RPS29: variants seen among roughly 807,000 people sequenced by gnomAD.
The protein encoded by RPS29 is small ribosomal subunit protein uS14.
For missense variants in RPS29, 60 were observed against 75.7 expected (o/e 0.79, Z 0.77); for synonymous variants, 37 against 26.9 (o/e 1.37, Z -1.16).
At chr14:49,581,965 T>C, downstream of RPS29, among the ~76,000 whole-genome samples, 1 of 136,812 alleles carries the variant, frequency 7.3e-6, no homozygotes, top group Non-Finnish European at 1.5e-5. Flanking sequence ...GAGGCTGCAG[T>C]GCGCCACTGC....
chr14:49,583,847 G>C (rs1402469856), intron 2 of RPS29, among the ~76,000 whole-genome samples, 172 bp from the exon 3 acceptor site: 3 of 152,176 alleles, frequency 2.0e-5, no homozygotes, highest in Non-Finnish European at 4.4e-5. Context: ...GCCTACTCCA[G>C]AATCAACCAT....
upstream of RPS29, chr14:49,586,634 G>A: frequency 2.2e-6 from 1 of 451,780 alleles, no homozygotes; most frequent in East Asian, 4.3e-5. Flanking sequence ...GCTGAGGCTG[G>A]AGGATCGCTT....
downstream of RPS29, among the ~76,000 whole-genome samples, chr14:49,581,366 A>C (rs996212187): frequency 3.3e-5 from 5 of 152,198 alleles, no homozygotes; most frequent in Non-Finnish European, 7.3e-5. Context: ...TCACTGCTTA[A>C]AACAGATTCT....
exon 3 of RPS29, chr14:49,574,856 A>G (rs141843473): frequency 6.6e-6 from 1 of 152,344 alleles, no homozygotes; most frequent in Non-Finnish European, 1.5e-5. Flanking sequence ...ATCAGATGGT[A>G]TATGTCCAAA....
upstream of RPS29, chr14:49,586,625 C>T (rs958466621): frequency 4.3e-6 from 2 of 469,902 alleles, no homozygotes; most frequent in Middle Eastern, 5.9e-4. Flanking sequence ...ACTCGGGAGG[C>T]TGAGGCTGGA....
At chr14:49,574,922 T>A (rs1023053987) in exon 3 of RPS29, 1 of 152,292 alleles carries the variant, frequency 6.6e-6, no homozygotes, top group Admixed American at 6.5e-5. Flanking sequence ...AATGTGTCCT[T>A]TGGACTCTTA....
rs551384796 is a variant in RPS29 at position 49,585,834 on chromosome 14, T to G, written c.162+116A>C. On this transcript the variant is annotated intron_variant, in intron 2 of 2. Coordinates refer to ENST00000245458, the MANE Select transcript of RPS29 (RefSeq NM_001032.5). ...CTAAAAAAAGAGGAAAAGCTCTTGGTCGAATGCTCAGAATTACCACTCCAG... is the reference window on the plus strand; with the variant it reads ...CTAAAAAAAGAGGAAAAGCTCTTGGGCGAATGCTCAGAATTACCACTCCAG... The G allele has an allele frequency of 1.4e-4, 108 of 755,094 alleles. No individual in the cohort carries two copies. In the Admixed American group the frequency reaches 1.8e-3, roughly 12 times the overall value. The allele number at this position is 755,094 out of a possible 1,614,324, so 46.8% of individuals were successfully genotyped here. A position where few individuals can be genotyped will look rare whatever the true frequency, so the allele number is the denominator to read the frequency against.
exon 3 of RPS29, chr14:49,575,896 G>C (rs959012624): frequency 6.6e-6 from 1 of 152,102 alleles, no homozygotes; most frequent in East Asian, 1.9e-4. Flanking sequence ...TTATGTTCAA[G>C]ACATTAAATG....
At chr14:49,598,708 C>G, upstream of RPS29, 1 of 699,634 alleles carries the variant, frequency 1.4e-6, no homozygotes, top group South Asian at 1.5e-5. Flanking sequence ...ACCACCGCTG[C>G]CAGCTGCGCG....
chr14:49,579,477 G>A (rs1881276748), downstream of RPS29, among the ~76,000 whole-genome samples: 2 of 152,180 alleles, frequency 1.3e-5, no homozygotes, highest in Admixed American at 1.3e-4. Flanking sequence ...CAAGGCAAGA[G>A]GATCACTTGA....
chr14:49,583,417 G>A (rs1881401990), downstream of RPS29, among the ~76,000 whole-genome samples: 4 of 151,890 alleles, frequency 2.6e-5, no homozygotes, highest in South Asian at 8.3e-4. Flanking sequence ...AGGTTTGGAG[G>A]CTGAGGCAGG....
chr14:49,590,407 C>T (rs1271736692), upstream of RPS29, among the ~76,000 whole-genome samples: 1 of 152,008 alleles, frequency 6.6e-6, no homozygotes, highest in South Asian at 2.1e-4. Context: ...ACCCAGGAGG[C>T]AGAGCTTGCA....
At chr14:49,576,842 C>G (rs1169581962) in exon 3 of RPS29, 1 of 152,214 alleles carries the variant, frequency 6.6e-6, no homozygotes, top group East Asian at 1.9e-4. Context: ...TTGCCGCTGC[C>G]ATCTAAGAAG....
upstream of RPS29, chr14:49,586,420 G>C (rs1881560804): frequency 4.4e-6 from 6 of 1,359,984 alleles, no homozygotes; most frequent in Non-Finnish European, 6.3e-6. Context: ...TTTTGAGACA[G>C]TTTACCCAGA....
At chr14:49,583,772 C>A (rs946335935) in intron 2 of RPS29, 97 bp from the exon 3 acceptor site, 1 of 775,952 alleles carries the variant, frequency 1.3e-6, no homozygotes, top group Admixed American at 2.3e-5. Context: ...TATAGAATTA[C>A]AGAACTGGAC....
chr14:49,592,766 G>A (rs1032240350), intron 1 of RPS29, among the ~76,000 whole-genome samples: 11 of 151,714 alleles, frequency 7.3e-5, no homozygotes, highest in Admixed American at 2.0e-4. Flanking sequence ...AAATTAGCCC[G>A]GCGTGGTGGT....
At chr14:49,582,854 T>C (rs563044649), downstream of RPS29, among the ~76,000 whole-genome samples, 81 of 152,258 alleles carry the variant, frequency 5.3e-4, no homozygotes, top group African/African-American at 1.8e-3. Flanking sequence ...CCACACACTA[T>C]ACCTACACTT....
chr14:49,596,529 C>G lies in RPS29; in HGVS notation c.-133+1871G>C, dbSNP rs542055895. Among the ~76,000 whole-genome samples the G allele has an allele frequency of 2.6e-5, 4 of 151,864 alleles. No individual in the cohort carries two copies. The East Asian group carries it at 5.8e-4, about 22-fold the overall frequency. Reference sequence around the variant, plus strand: ...ATTTAAACCATTAAATTTGGGTGGACAAAGGGGAGGATGTGGAAAGGGAAA... The same window carrying G: ...ATTTAAACCATTAAATTTGGGTGGAGAAAGGGGAGGATGTGGAAAGGGAAA... On this transcript the variant is annotated intron_variant, in intron 1 of 3. Coordinates refer to the RPS29 transcript ENST00000556230.
exon 3 of RPS29, chr14:49,575,386 G>C (rs984767770): frequency 6.6e-6 from 1 of 152,200 alleles, no homozygotes; most frequent in South Asian, 2.1e-4. Flanking sequence ...AAATGAAGTG[G>C]GTGAGTGACA....
Sources: allele counts gnomAD v4.1 joint callset (sites outside exome capture counted in the v4.1 genomes callset), GRCh38; gene constraint gnomAD v4.1.1; transcripts MANE v1.5; gene names NCBI Gene and HGNC (gene_info 2026-07-23, HGNC 2026-07-21).